The following PLXNC1 variants were observed in gnomAD, a reference collection of about 807,000 sequenced individuals.
The protein encoded by PLXNC1 is plexin-C1.
Under a neutral mutation model 178.2 loss-of-function variants are expected in PLXNC1, and 75 were observed. The observed-to-expected ratio is 0.42, with a 90% CI of 0.35 to 0.51. The LOEUF (loss-of-function observed/expected upper bound fraction) is 0.51. Ranked by LOEUF, PLXNC1 falls within the 20% of genes least tolerant of loss-of-function variation. The probability of loss-of-function intolerance (pLI) is 0.02; values close to 1 mark genes in which losing one functional copy is unlikely to be tolerated. For missense variants in PLXNC1, 1,503 were observed against 1,984.4 expected (o/e 0.76, Z 4.61); for synonymous variants, 790 against 779.9 (o/e 1.01, Z -0.22).
At chr12:94,186,761 C>G (rs1171384414) in intron 4 of PLXNC1, 2 of 310,896 alleles carry the variant, frequency 6.4e-6, no homozygotes, top group Non-Finnish European at 1.3e-5. Context: ...TTTACTTTCT[C>G]CAGAGTTCGC....
chr12:94,168,705 A>G (rs1352353805), intron 1 of PLXNC1, among the ~76,000 whole-genome samples: 1 of 152,200 alleles, frequency 6.6e-6, no homozygotes, highest in Non-Finnish European at 1.5e-5. Context: ...CACACCCAAC[A>G]GGATCGTCCG....
chr12:94,250,979 C>T (rs569693063), intron 14 of PLXNC1, among the ~76,000 whole-genome samples: 1 of 152,266 alleles, frequency 6.6e-6, no homozygotes, highest in Non-Finnish European at 1.5e-5. Context: ...TATGATCACA[C>T]CACTGCACTC....
In PLXNC1 at chr12:94,301,085, A is replaced by G. The variant is rs566808355; in HGVS notation, c.4386+28A>G. The G allele has an allele frequency of 4.4e-6, 7 of 1,606,456 alleles. No individual in the cohort carries two copies. In the South Asian group the frequency reaches 6.6e-5, roughly 15 times the overall value. On this transcript the variant is annotated intron_variant, in intron 28 of 30. Coordinates refer to ENST00000258526, the MANE Select transcript of PLXNC1 (RefSeq NM_005761.3). ...AAGGCCCAGCTTGAGTATTTCTTGT[A>G]TGCAGTCTTATGAGTTTGACATACT...
chr12:94,177,129 G>GTGTGTA (rs374905966), intron 2 of PLXNC1, among the ~76,000 whole-genome samples: 2 of 82,922 alleles, frequency 2.4e-5, no homozygotes, highest in African/African-American at 9.0e-5. Flanking sequence ...GTGTGTGTGT[G>GTGTGTA]TATATATATG....
chr12:94,282,249 T>A (rs537577396), intron 22 of PLXNC1, 49 bp from the exon 23 acceptor site: 1 of 1,253,802 alleles, frequency 8.0e-7, no homozygotes, highest in South Asian at 1.2e-5. Flanking sequence ...GAAAGTAAAG[T>A]GGTGGCATTT....
intron 5 of PLXNC1, among the ~76,000 whole-genome samples, chr12:94,211,976 A>G (rs1380396424): frequency 6.6e-6 from 1 of 152,196 alleles, no homozygotes; most frequent in Non-Finnish European, 1.5e-5. Context: ...GAGATATGTA[A>G]TAAAAATAGA....
intron 2 of PLXNC1, among the ~76,000 whole-genome samples, chr12:94,177,251 A>G (rs1049969804): frequency 5.6e-5 from 7 of 125,752 alleles, no homozygotes; most frequent in South Asian, 2.7e-4. Context: ...ATATATATAT[A>G]TGTATATATA....
At chr12:94,266,618 T>C (rs1965260031) in intron 21 of PLXNC1, among the ~76,000 whole-genome samples, 1 of 152,188 alleles carries the variant, frequency 6.6e-6, no homozygotes, top group African/African-American at 2.4e-5. Context: ...GCATGGACTC[T>C]GGGGCCAGAC....
At chr12:94,304,279 T>G (rs1968780900) in intron 30 of PLXNC1, 2 of 410,840 alleles carry the variant, frequency 4.9e-6, no homozygotes, top group Non-Finnish European at 8.7e-6. Flanking sequence ...AATTTACATT[T>G]GAGTTCATGG....
At chr12:94,292,381 G>C (rs1039025679) in intron 23 of PLXNC1, among the ~76,000 whole-genome samples, 1 of 152,168 alleles carries the variant, frequency 6.6e-6, no homozygotes, top group Non-Finnish European at 1.5e-5. Flanking sequence ...GGTTATGCCA[G>C]TATATATTTA....
At chr12:94,221,429 G>A (rs1473646985) in intron 6 of PLXNC1, among the ~76,000 whole-genome samples, 1 of 152,162 alleles carries the variant, frequency 6.6e-6, no homozygotes, top group Non-Finnish European at 1.5e-5. Context: ...ATGGAGAGAA[G>A]TGGATTCAAT....
At chr12:94,230,286 C>G (rs1426309287) in intron 9 of PLXNC1, among the ~76,000 whole-genome samples, 1 of 152,124 alleles carries the variant, frequency 6.6e-6, no homozygotes. Context: ...TAATTCATTC[C>G]TTTTTATCGC....
rs1465641590 is a variant in PLXNC1, at chr12:94,294,529, A to G, written c.3923A>G (p.Asn1308Ser). 1 of 1,292,182 alleles carries G rather than the reference A, an allele frequency of 7.7e-7. No individual in the cohort carries two copies. The highest frequency in any genetic ancestry group is 1.1e-6 in the Non-Finnish European group (1 of 896,214). The allele number at this position is 1,292,182 out of a possible 1,614,324, so 80.0% of individuals were successfully genotyped here. ...ATAAAAGTCTTTAAGAAGATAGCAAATTTTACTTCAGGTAACCAATATAAT... is the reference window on the plus strand; with the variant it reads ...ATAAAAGTCTTTAAGAAGATAGCAAGTTTTACTTCAGGTAACCAATATAAT... ...STIKVFKKIANFTSDVEYSDD... is the reference protein window; with the variant it reads ...STIKVFKKIASFTSDVEYSDD... Residue 1308 changes from asparagine to serine, a missense_variant, in exon 24 of 31, where the codon AAT becomes AGT. This residue lies in a region of PLXNC1 where 639 missense variants were observed against 979.7 expected (regional missense o/e 0.65). Transcript: ENST00000258526.
intron 9 of PLXNC1, among the ~76,000 whole-genome samples, chr12:94,235,508 A>T (rs1350599851): frequency 6.6e-6 from 1 of 152,204 alleles, no homozygotes; most frequent in Non-Finnish European, 1.5e-5. Context: ...GTTGACTTGG[A>T]TGTAAACGTG....
intron 14 of PLXNC1, among the ~76,000 whole-genome samples, chr12:94,249,485 C>T (rs1181312863): frequency 7.2e-5 from 11 of 152,088 alleles, no homozygotes; most frequent in African/African-American, 1.2e-4. Flanking sequence ...CTGCCTGCCT[C>T]GGCCTCCCAA....
intron 3 of PLXNC1, among the ~76,000 whole-genome samples, chr12:94,184,853 C>T (rs1204098823): frequency 6.6e-6 from 1 of 152,218 alleles, no homozygotes; most frequent in African/African-American, 2.4e-5. Context: ...ACTTACTATA[C>T]CCCTCCTGGA....
intron 26 of PLXNC1, among the ~76,000 whole-genome samples, chr12:94,297,744 T>C (rs144436405): frequency 0.011 from 1,718 of 152,370 alleles, 22 homozygotes; most frequent in Non-Finnish European, 0.021. Context: ...TTACTTGTTA[T>C]TATAGATGAG....
intron 21 of PLXNC1, among the ~76,000 whole-genome samples, chr12:94,274,118 C>T (rs146567546): frequency 0.052 from 6,205 of 118,816 alleles, 216 homozygotes; most frequent in African/African-American, 0.11. Flanking sequence ...CTCAGGAGTT[C>T]AAGACTAGCC....
intron 28 of PLXNC1, among the ~76,000 whole-genome samples, chr12:94,303,085 AAAT>A (rs1176322003): frequency 6.6e-6 from 1 of 152,222 alleles, no homozygotes; most frequent in Non-Finnish European, 1.5e-5. Flanking sequence ...GTTTTGTGAA[AAAT>A]AATGATTTTT....
Sources: allele counts gnomAD v4.1 joint callset (sites outside exome capture counted in the v4.1 genomes callset), GRCh38; gene constraint gnomAD v4.1.1; regional missense constraint gnomAD v4.1.1; transcripts MANE v1.5; gene names NCBI Gene and HGNC (gene_info 2026-07-23, HGNC 2026-07-21).